The following PIM3 variants were observed in gnomAD, a reference collection of about 807,000 sequenced individuals.
PIM3 encodes serine/threonine-protein kinase pim-3.
PIM3 carries 13 observed loss-of-function variants against 27.5 expected under a neutral mutation model. The observed-to-expected ratio is 0.47, with a 90% confidence interval of 0.31 to 0.75. The LOEUF (loss-of-function observed/expected upper bound fraction) is 0.75. Among genes scored for constraint, PIM3 ranks in the 30% least tolerant of loss-of-function variants. The probability of loss-of-function intolerance (pLI) is 0.05; values close to 1 mark genes in which losing one functional copy is unlikely to be tolerated. For missense variants in PIM3, 482 were observed against 476.9 expected (o/e 1.01, Z -0.10); for synonymous variants, 341 against 221.1 (o/e 1.54, Z -4.81).
intron 1 of PIM3, 33 bp from the exon 2 acceptor site, chr22:49,961,092 G>GT: frequency 7.0e-7 from 1 of 1,422,786 alleles, no homozygotes; most frequent in Non-Finnish European, 9.2e-7. Context: ...GGGCGCCCCG[G>GT]GCCGCACCAA....
chr22:49,960,891 G>A lies in PIM3; in HGVS notation c.-57G>A, dbSNP rs2060902178. The A allele has an allele frequency of 8.6e-7, 1 of 1,161,096 alleles. No individual in the cohort carries two copies. The highest frequency in any genetic ancestry group is 1.1e-6 in the Non-Finnish European group (1 of 943,768). The allele number at this position is 1,161,096 out of a possible 1,614,324, so 71.9% of individuals were successfully genotyped here. On this transcript the variant is annotated 5_prime_UTR_variant, in exon 1 of 6. Coordinates refer to ENST00000360612, the MANE Select transcript of PIM3 (RefSeq NM_001001852.4). The stretch of plus-strand genomic sequence containing the variant: ...GTGTCCCCGGCGCGCCGCTCGCCCG[G>A]ATCGGCCGCGGCTTCGGCGCCTGGG...
At position 49,961,326 on chromosome 22, in the gene PIM3, G is replaced by C; in HGVS notation, c.204G>C (p.Val68=). 1 of 1,543,954 alleles carries C rather than the reference G, an allele frequency of 6.5e-7. No individual in the cohort carries two copies. The highest frequency in any genetic ancestry group is 8.7e-7 in the Non-Finnish European group (1 of 1,150,022). ...CCCCCGCGTCTCCGCAGGTGGCTGT[G>C]AAGCACGTGGTGAAGGAGCGGGTGA... The part of the protein sequence containing the change: ...SRIADGLPVA[V]KHVVKERVTE... The change falls in exon 3 of 6, where the codon GTG becomes GTC. Residue 68 remains valine (V), a synonymous_variant. Transcript: ENST00000360612.
In PIM3 at chr22:49,962,968, G is replaced by A. The variant is rs780201470; in HGVS notation, c.822G>A (p.Leu274=). ...GCCAGCAGCTGATCCGGTGGTGCCT[G>A]TCCCTGCGGCCCTCAGAGCGGCCGT... ...PECQQLIRWC[L]SLRPSERPSL... Residue 274 remains leucine, a synonymous_variant, in exon 6 of 6, where the codon CTG becomes CTA. Transcript: ENST00000360612. The A allele has an allele frequency of 5.1e-5, 82 of 1,608,648 alleles. No homozygotes were observed. The highest frequency in any genetic ancestry group is 6.3e-5 in the Non-Finnish European group (74 of 1,179,518).
At chr22:49,961,256 G>A in intron 2 of PIM3, 22 bp downstream of exon 2, 1 of 1,536,444 alleles carries the variant, frequency 6.5e-7, no homozygotes, top group Non-Finnish European at 8.7e-7. Context: ...CGCCGGGCGG[G>A]CCCGGGTTTC....
rs778580867 is a variant in PIM3 at position 49,962,789 on chromosome 22, G to A, written c.717G>A (p.Val239=). 6.2e-7 allele frequency: 1 copy of A among 1,612,622 alleles called. No homozygotes were observed. Among genetic ancestry groups the A allele is most frequent in the African/African-American group, 1.3e-5 (1 of 74,948 alleles). ...WSLGVLLYDM[V]CGDIPFEQDE... ...TGGGCGTGCTTCTCTACGATATGGTGTGTGGGGACATCCCCTTCGAGCAGG... is the reference window on the plus strand; with the variant it reads ...TGGGCGTGCTTCTCTACGATATGGTATGTGGGGACATCCCCTTCGAGCAGG... The change falls in exon 5 of 6, where the codon GTG becomes GTA. Residue 239 remains valine (V), a synonymous_variant. Coordinates refer to ENST00000360612, the MANE Select transcript of PIM3 (RefSeq NM_001001852.4).
intron 4 of PIM3, among the ~76,000 whole-genome samples, chr22:49,962,259 G>A (rs1225952984): frequency 6.6e-6 from 1 of 151,756 alleles, no homozygotes; most frequent in East Asian, 2.0e-4. Context: ...TGCGTGCGGA[G>A]CGCGGGGGCG....
At position 49,963,232 on chromosome 22, in the gene PIM3, G is replaced by A; in HGVS notation, c.*105G>A. ...GCGTGGGCCGTCTCCTCCTGCGGAA[G>A]CAGTGACCTCTGACCCCTGGTGACC... is the stretch of plus-strand genomic sequence containing the variant. On this transcript the variant is annotated 3_prime_UTR_variant, in exon 6 of 6. Coordinates refer to ENST00000360612, the MANE Select transcript of PIM3 (RefSeq NM_001001852.4). The A allele has an allele frequency of 7.7e-7, 1 of 1,301,746 alleles. No individual in the cohort carries two copies. Among genetic ancestry groups the A allele is most frequent in the Non-Finnish European group, 1.0e-6 (1 of 974,990 alleles). 80.6% of individuals were successfully genotyped at this position (1,301,746 alleles called of 1,614,324 possible). A position where few individuals can be genotyped will look rare whatever the true frequency, so the allele number is the denominator to read the frequency against.
In PIM3 at chr22:49,963,063, T is replaced by TG; in HGVS notation, c.918dup (p.Arg307AlafsTer8). On this transcript the variant is annotated frameshift_variant, in exon 6 of 6. Coordinates refer to ENST00000360612, the MANE Select transcript of PIM3 (RefSeq NM_001001852.4). LOFTEE classifies it high-confidence loss of function. The stretch of plus-strand genomic sequence containing the variant: ...GGGGGCGTCCCGGAGAGCTGTGACC[T>TG]GCGGCTGTGCACCCTCGACCCTGAT... 6.2e-7 allele frequency: 1 copy of TG among 1,611,922 alleles called. No individual in the cohort carries two copies. Among genetic ancestry groups the TG allele is most frequent in the Non-Finnish European group, 8.5e-7 (1 of 1,179,626 alleles).
chr22:49,961,401 G>A (rs775643590), intron 3 of PIM3, 33 bp downstream of exon 3: 1 of 1,428,490 alleles, frequency 7.0e-7, no homozygotes. Flanking sequence ...GCGGCGGCGG[G>A]GGGCGGGCGC....
rs767102501 is a variant in PIM3, at chr22:49,961,639, C to T, written c.444C>T (p.Arg148=). 8 of 1,563,714 alleles carry T rather than the reference C, an allele frequency of 5.1e-6. No individual in the cohort carries two copies. The highest frequency in any genetic ancestry group is 2.3e-5 in the South Asian group (2 of 85,692). ...GCGCCCTGGACGAGCCGCTGGCGCGCCGCTTCTTCGCGCAGGTGCTGGCCG... is the reference window on the plus strand; with the variant it reads ...GCGCCCTGGACGAGCCGCTGGCGCGTCGCTTCTTCGCGCAGGTGCTGGCCG... The part of the protein sequence containing the change: ...ERGALDEPLA[R]RFFAQVLAAV... The change falls in exon 4 of 6, where the codon CGC becomes CGT. Residue 148 remains arginine, a synonymous_variant. Transcript: ENST00000360612.
Position 49,963,106 on chromosome 22 carries a change from G to C in PIM3, c.960G>C (p.Thr320=). Reference sequence around the variant, plus strand: ...ACCCTGATGACGTGGCCAGCACCACGTCCAGCAGCGAGAGCTTGTGAGGAG... The same window carrying C: ...ACCCTGATGACGTGGCCAGCACCACCTCCAGCAGCGAGAGCTTGTGAGGAG... ...TLDPDDVAST[T]SSSESL is the part of the protein sequence containing the mutation. The change falls in exon 6 of 6, where the codon ACG becomes ACC. Residue 320 remains threonine, a synonymous_variant. Transcript: ENST00000360612. 1 of 1,606,912 alleles carries C rather than the reference G, an allele frequency of 6.2e-7. No individual in the cohort carries two copies. Among genetic ancestry groups the C allele is most frequent in the Non-Finnish European group, 8.5e-7 (1 of 1,177,110 alleles).
rs2146702912 is a variant in PIM3 at position 49,960,946 on chromosome 22, C to G, written c.-2C>G. The G allele has an allele frequency of 7.5e-7, 1 of 1,335,790 alleles. No individual in the cohort carries two copies. The highest frequency in any genetic ancestry group is 1.6e-5 in the South Asian group (1 of 61,064). The allele number at this position is 1,335,790 out of a possible 1,614,324, so 82.7% of individuals were successfully genotyped here. A position where few individuals can be genotyped will look rare whatever the true frequency, so the allele number is the denominator to read the frequency against. Reference sequence around the variant, plus strand: ...GGGGCTCCGGGGAGGCCGTCGCCCGCGATGCTGCTCTCCAAGTTCGGCTCC... The same window carrying G: ...GGGGCTCCGGGGAGGCCGTCGCCCGGGATGCTGCTCTCCAAGTTCGGCTCC... On this transcript the variant is annotated 5_prime_UTR_variant, in exon 1 of 6. Coordinates refer to ENST00000360612, the MANE Select transcript of PIM3 (RefSeq NM_001001852.4).
At position 49,961,546 on chromosome 22, in the gene PIM3, C is replaced by T. The variant is rs377715114; in HGVS notation, c.351C>T (p.Asp117=). ...TGCTGGACTGGTTCGAGCGGCCCGA[C>T]GGCTTCCTGCTGGTGCTGGAGCGGC... ...IRLLDWFERP[D]GFLLVLERPE... is the part of the protein sequence containing the mutation. The change falls in exon 4 of 6, where the codon GAC becomes GAT. Residue 117 remains aspartate, a synonymous_variant. Transcript: ENST00000360612. 1.6e-5 allele frequency: 25 copies of T among 1,544,456 alleles called. No homozygotes were observed. The African/African-American group carries it at 1.9e-4, about 12-fold the overall frequency.
Position 49,960,812 on chromosome 22 carries a change from GCGGGCCTTC to G in PIM3, c.-129_-121del, listed in dbSNP as rs1174967489. On this transcript the variant is annotated 5_prime_UTR_variant, in exon 1 of 6. Coordinates refer to ENST00000360612, the MANE Select transcript of PIM3 (RefSeq NM_001001852.4). ...CCTGCTGCGCGTCTACGCGGTCCCC[GCGGGCCTTC>G]CGGGCCCACTGCGCCGCGCGGACCG... The G allele has an allele frequency of 2.4e-6, 1 of 424,770 alleles. No individual in the cohort carries two copies. Among genetic ancestry groups the G allele is most frequent in the Non-Finnish European group, 3.3e-6 (1 of 306,662 alleles). The allele number at this position is 424,770 out of a possible 1,614,324, so 26.3% of individuals were successfully genotyped here.
chr22:49,962,596 T>C, intron 4 of PIM3, 93 bp from the exon 5 acceptor site: 2 of 1,376,538 alleles, frequency 1.5e-6, no homozygotes, highest in African/African-American at 2.9e-5. Context: ...TGCTTCCTGT[T>C]ACTGAGGCCA....
At position 49,963,322 on chromosome 22, in the gene PIM3, C is replaced by A; in HGVS notation, c.*195C>A. 1 of 617,484 alleles carries A rather than the reference C, an allele frequency of 1.6e-6. No homozygotes were observed. The highest frequency in any genetic ancestry group is 2.7e-6 in the Non-Finnish European group (1 of 374,380). 38.3% of individuals were successfully genotyped at this position (617,484 alleles called of 1,614,324 possible). ...TTGGTTTTCTCAAGCTCTGTCTGTCCAAAGACGCTCCGGTCGAGGTCCCGC... is the reference window on the plus strand; with the variant it reads ...TTGGTTTTCTCAAGCTCTGTCTGTCAAAAGACGCTCCGGTCGAGGTCCCGC... On this transcript the variant is annotated 3_prime_UTR_variant, in exon 6 of 6. Transcript: ENST00000360612.
chr22:49,963,184 C>T lies in PIM3; in HGVS notation c.*57C>T, dbSNP rs185984395. 2.7e-6 allele frequency: 4 copies of T among 1,455,552 alleles called. No homozygotes were observed. In the African/African-American group the frequency reaches 4.3e-5, roughly 16 times the overall value. 90.2% of individuals were successfully genotyped at this position (1,455,552 alleles called of 1,614,324 possible). The stretch of plus-strand genomic sequence containing the variant: ...ACCTGCCTTGGCCAGACCTGGGACG[C>T]CCCCAGACCCTGACTTTCTCCTGCG... On this transcript the variant is annotated 3_prime_UTR_variant, in exon 6 of 6. Coordinates refer to ENST00000360612, the MANE Select transcript of PIM3 (RefSeq NM_001001852.4).
At chr22:49,961,410 G>T in intron 3 of PIM3, 32 bp from the exon 4 acceptor site, 1 of 1,420,918 alleles carries the variant, frequency 7.0e-7, no homozygotes, top group Non-Finnish European at 9.2e-7. Flanking sequence ...GGGGGCGGGC[G>T]CGGGGCTTTT....
At position 49,961,801 on chromosome 22, in the gene PIM3, C is replaced by T. The variant is rs752036925; in HGVS notation, c.606C>T (p.Thr202=). 6 of 1,609,456 alleles carry T rather than the reference C, an allele frequency of 3.7e-6. No homozygotes were observed. The highest frequency in any genetic ancestry group is 2.7e-5 in the African/African-American group (2 of 74,238). ...SGALLKDTVY[T]DFDGTRVYSP... The stretch of plus-strand genomic sequence containing the variant: ...CGCTGCTCAAGGACACGGTCTACAC[C>T]GACTTCGACGGTGAGCGCGGGCGCG... Residue 202 remains threonine (T), a synonymous_variant, in exon 4 of 6, where the codon ACC becomes ACT. Coordinates refer to ENST00000360612, the MANE Select transcript of PIM3 (RefSeq NM_001001852.4).
Sources: allele counts gnomAD v4.1 joint callset (sites outside exome capture counted in the v4.1 genomes callset), GRCh38; gene constraint gnomAD v4.1.1; transcripts MANE v1.5; gene names NCBI Gene and HGNC (gene_info 2026-07-23, HGNC 2026-07-21).